The following MNAT1 variants were observed in gnomAD, a reference collection of about 807,000 sequenced individuals.
MNAT1 encodes the protein CDK-activating kinase assembly factor MAT1.
Under a neutral mutation model 42.0 loss-of-function variants are expected in MNAT1, and 43 were observed. That is an observed-to-expected ratio of 1.02 (90% CI 0.80 to 1.32). The LOEUF (loss-of-function observed/expected upper bound fraction) is 1.32, where lower values mean the gene tolerates loss of function less well. Among genes scored for constraint, MNAT1 ranks in the 40% most tolerant of loss-of-function variants. The pLI, the probability that MNAT1 is intolerant of heterozygous loss-of-function variation, is 0.00. For synonymous variants in MNAT1, 118 were observed against 120.0 expected, an observed-to-expected ratio of 0.98 and a Z score of 0.11; for missense variants, 306 against 350.4, an observed-to-expected ratio of 0.87 and a Z score of 1.01.
intron 1 of MNAT1, among the ~76,000 whole-genome samples, chr14:60,779,041 T>A (rs1258314291): frequency 2.6e-5 from 4 of 152,020 alleles, no homozygotes. Context: ...ACAATGAGAG[T>A]TCCATTAAAT....
At chr14:60,887,217 T>C (rs2034697166) in intron 7 of MNAT1, among the ~76,000 whole-genome samples, 1 of 151,956 alleles carries the variant, frequency 6.6e-6, no homozygotes, top group Admixed American at 6.6e-5. Context: ...TTTTTTCTTG[T>C]TTTTGTTTGT....
At chr14:60,914,040 C>A (rs530276773) in intron 7 of MNAT1, among the ~76,000 whole-genome samples, 1 of 152,354 alleles carries the variant, frequency 6.6e-6, no homozygotes, top group Admixed American at 6.5e-5. Flanking sequence ...GCCCCTCCCC[C>A]AGCCTCGCTG....
chr14:60,830,310 T>C (rs2033178336), intron 6 of MNAT1, among the ~76,000 whole-genome samples: 1 of 152,226 alleles, frequency 6.6e-6, no homozygotes, highest in Non-Finnish European at 1.5e-5. Flanking sequence ...AAAACACACA[T>C]TCATTCTTTG....
rs78069923 is a variant in MNAT1, at chr14:60,799,439, G to T, written c.316+1279G>T. ...ATAGATACTAAGTATAGGACAAGCT[G>T]TTGGATAGCAATTGGGAAGAAAAGT... On this transcript the variant is annotated intron_variant, in intron 3 of 7. Transcript: ENST00000261245. The T allele has an allele frequency of 1.3e-3, 1,298 of 975,452 alleles. 13 individuals are homozygous for T. In the African/African-American group the frequency reaches 0.021, roughly 16 times the overall value. The allele number at this position is 975,452 out of a possible 1,614,324, so 60.4% of individuals were successfully genotyped here.
At chr14:60,738,447 G>T (rs1896371334) in intron 1 of MNAT1, among the ~76,000 whole-genome samples, 1 of 151,862 alleles carries the variant, frequency 6.6e-6, no homozygotes. Context: ...GTAGAGACGG[G>T]GTTTCACTAT....
intron 1 of MNAT1, among the ~76,000 whole-genome samples, chr14:60,738,763 G>A (rs574005859): frequency 1.3e-5 from 2 of 151,832 alleles, no homozygotes; most frequent in African/African-American, 2.4e-5. Context: ...TTGAACTCCC[G>A]ACCTCAGGTG....
At chr14:60,964,420 A>G (rs2036647581) in intron 7 of MNAT1, among the ~76,000 whole-genome samples, 2 of 152,200 alleles carry the variant, frequency 1.3e-5, no homozygotes, top group African/African-American at 2.4e-5. Context: ...TTTCAAAAAC[A>G]TACTTTTTTT....
chr14:60,774,875 G>A (rs1288061958), intron 1 of MNAT1, among the ~76,000 whole-genome samples: 1 of 152,172 alleles, frequency 6.6e-6, no homozygotes, highest in Non-Finnish European at 1.5e-5. Context: ...AAATAATCAA[G>A]TATTCTGCTT....
intron 6 of MNAT1, among the ~76,000 whole-genome samples, chr14:60,820,262 T>A (rs1333794670): frequency 6.6e-6 from 1 of 152,104 alleles, no homozygotes; most frequent in Non-Finnish European, 1.5e-5. Context: ...TTGAGCATGA[T>A]GAGTATGCAA....
chr14:60,757,377 A>G (rs1333343411), intron 1 of MNAT1, among the ~76,000 whole-genome samples: 1 of 152,046 alleles, frequency 6.6e-6, no homozygotes, highest in Non-Finnish European at 1.5e-5. Context: ...GCAGTATTTT[A>G]GTGCATTTTT....
At chr14:60,794,501 C>T (rs1354838523) in intron 1 of MNAT1, among the ~76,000 whole-genome samples, 1 of 150,536 alleles carries the variant, frequency 6.6e-6, no homozygotes, top group African/African-American at 2.4e-5. Context: ...CCAGTCTCTA[C>T]AAAAAAATAA....
chr14:60,779,078 C>A (rs1009712048), intron 1 of MNAT1, among the ~76,000 whole-genome samples: 2 of 152,190 alleles, frequency 1.3e-5, no homozygotes, highest in Non-Finnish European at 2.9e-5. Context: ...TGTCTGGTCA[C>A]TTTGGGCTCC....
intron 7 of MNAT1, among the ~76,000 whole-genome samples, chr14:60,929,453 A>C (rs1398819813): frequency 6.6e-6 from 1 of 151,968 alleles, no homozygotes; most frequent in African/African-American, 2.4e-5. Context: ...ATGTTAAATT[A>C]ATTTTTGTAT....
At chr14:60,845,565 C>G (rs1414358543) in intron 6 of MNAT1, among the ~76,000 whole-genome samples, 1 of 152,002 alleles carries the variant, frequency 6.6e-6, no homozygotes, top group African/African-American at 2.4e-5. Context: ...AAAATCCACT[C>G]ACATTAAGCA....
At chr14:60,896,860 TAAAAA>T (rs918336419) in intron 7 of MNAT1, among the ~76,000 whole-genome samples, 1 of 148,026 alleles carries the variant, frequency 6.8e-6, no homozygotes, top group Non-Finnish European at 1.5e-5. Flanking sequence ...ATTATGGAAA[TAAAAA>T]AAAAAGACTT....
intron 6 of MNAT1, among the ~76,000 whole-genome samples, chr14:60,829,914 AG>A (rs2033167049): frequency 6.6e-6 from 1 of 152,196 alleles, no homozygotes; most frequent in Non-Finnish European, 1.5e-5. Flanking sequence ...CTATCAGTAG[AG>A]TTTTATCAAG....
rs1162921685 is a variant in MNAT1 at position 60,740,224 on chromosome 14, C to T, written c.89+5273C>T. Among the ~76,000 whole-genome samples the T allele has an allele frequency of 6.6e-6, 1 of 152,192 alleles. No homozygotes were observed. Among genetic ancestry groups the T allele is most frequent in the Non-Finnish European group, 1.5e-5 (1 of 68,028 alleles). ...TCTCTGGAAATTTTATGTGCTAAAT[C>T]TACTTTTTTCATCACGCACGAGACG... On this transcript the variant is annotated intron_variant, in intron 1 of 7. Transcript: ENST00000261245. This position sits in a 1 kb window ranked among gnomAD's most constrained non-coding sequence, Gnocchi z 4.1.
intron 6 of MNAT1, among the ~76,000 whole-genome samples, chr14:60,864,903 G>C (rs1331646136): frequency 6.6e-6 from 1 of 151,934 alleles, no homozygotes; most frequent in Admixed American, 6.6e-5. Context: ...TGACAGTCTG[G>C]CTTAGGTCTT....
At chr14:60,855,372 C>T (rs2033930857) in intron 6 of MNAT1, among the ~76,000 whole-genome samples, 1 of 152,116 alleles carries the variant, frequency 6.6e-6, no homozygotes, top group South Asian at 2.1e-4. Context: ...AAAAAAACCT[C>T]CTGCAGCTAG....
Sources: gnomAD v4.1 joint callset for allele counts (sites outside exome capture counted in the v4.1 genomes callset) on GRCh38, gnomAD v4.1.1 for gene constraint, Gnocchi (gnomAD v3.1) non-coding constraint, MANE v1.5 for transcripts, NCBI Gene and HGNC (gene_info 2026-07-23, HGNC 2026-07-21) for gene names.